GK: variants seen among roughly 807,000 people sequenced by gnomAD.
GK encodes the protein glycerol kinase.
A neutral mutation model predicts 56.4 loss-of-function variants in GK; 9 were observed. The observed-to-expected ratio is 0.16, with a 90% CI of 0.10 to 0.28. The LOEUF (loss-of-function observed/expected upper bound fraction) is 0.28. GK is among the 10% of genes least tolerant of loss of function. The pLI, the probability that GK is intolerant of heterozygous loss-of-function variation, is 1.00. For synonymous variants in GK, 104 were observed against 144.1 expected, an observed-to-expected ratio of 0.72 and a Z score of 1.99; for missense variants, 161 against 431.4, an observed-to-expected ratio of 0.37 and a Z score of 5.55.
chrX:30,680,146 A>C (rs1461328319), intron 4 of GK, among the ~76,000 whole-genome samples: 1 of 111,850 alleles, frequency 8.9e-6, no homozygotes, highest in Non-Finnish European at 1.9e-5. Context: ...GATGAGTTTC[A>C]TGCATAGGTT....
rs1601963523 is a variant in GK, at chrX:30,730,126, C to T, written c.*1384C>T. The T allele has an allele frequency of 8.9e-6, 1 of 112,115 alleles. No homozygotes were observed. Among genetic ancestry groups the T allele is most frequent in the Middle Eastern group, 5.0e-3 (1 of 202 alleles). 9.2% of individuals were successfully genotyped at this position (112,115 alleles called of 1,213,427 possible). On this transcript the variant is annotated 3_prime_UTR_variant, in exon 21 of 21. Transcript: ENST00000427190. Reference sequence around the variant, plus strand: ...ACATATTATAAGAAGTTACCTAATCCTGCTTCTTAACATCAATTTTTAAAA... The same window carrying T: ...ACATATTATAAGAAGTTACCTAATCTTGCTTCTTAACATCAATTTTTAAAA...
At chrX:30,713,343 G>C (rs1157396672) in intron 13 of GK, among the ~76,000 whole-genome samples, 1 of 111,786 alleles carries the variant, frequency 8.9e-6, no homozygotes, top group African/African-American at 3.3e-5. Context: ...CTTCAGTCCT[G>C]TTTGGTTATG....
chrX:30,675,630 TGG>T (rs746121875), intron 3 of GK, among the ~76,000 whole-genome samples: 18 of 105,289 alleles, frequency 1.7e-4, no homozygotes, highest in Non-Finnish European at 2.5e-4. Flanking sequence ...GCAATCCTCC[TGG>T]GTAGCTGGGA....
intron 19 of GK, among the ~76,000 whole-genome samples, chrX:30,725,125 C>A (rs1006328768): frequency 9.0e-6 from 1 of 111,159 alleles, no homozygotes; most frequent in African/African-American, 3.3e-5. Context: ...TCAAGTGATC[C>A]GCCCGCCTTG....
At chrX:30,718,295 TA>T (rs1287009818) in intron 13 of GK, among the ~76,000 whole-genome samples, 2 of 112,081 alleles carry the variant, frequency 1.8e-5, no homozygotes, top group Non-Finnish European at 3.8e-5. Flanking sequence ...AATGTCCACC[TA>T]TGGGGACAAA....
intron 5 of GK, 115 bp from the exon 6 acceptor site, chrX:30,694,285 G>A (rs1297838079): frequency 3.2e-6 from 2 of 634,655 alleles, no homozygotes; most frequent in African/African-American, 4.4e-5. Flanking sequence ...TAATACTATG[G>A]GATTGCCTTC....
chrX:30,693,354 A>G (rs1367535609), intron 5 of GK, among the ~76,000 whole-genome samples: 1 of 110,431 alleles, frequency 9.1e-6, no homozygotes, highest in African/African-American at 3.3e-5. Context: ...GCCTTTATAT[A>G]CATTTAGTGT....
Position 30,728,821 on chromosome X carries a change from A to G in GK, c.*79A>G. The stretch of plus-strand genomic sequence containing the variant: ...CCCAGCAATTCTGTCTCTTAATGCA[A>G]TGACACTATTCATAGACTTTGATTT... On this transcript the variant is annotated 3_prime_UTR_variant, in exon 21 of 21. Coordinates refer to ENST00000427190, the MANE Select transcript of GK (RefSeq NM_001205019.2). 1 of 697,360 alleles carries G rather than the reference A, an allele frequency of 1.4e-6. No homozygotes were observed. Among genetic ancestry groups the G allele is most frequent in the Non-Finnish European group, 2.3e-6 (1 of 428,407 alleles). The allele number at this position is 697,360 out of a possible 1,213,427, so 57.5% of individuals were successfully genotyped here. A position where few individuals can be genotyped will look rare whatever the true frequency, so the allele number is the denominator to read the frequency against.
At chrX:30,715,794 C>G (rs1226940466) in intron 13 of GK, among the ~76,000 whole-genome samples, 2 of 111,926 alleles carry the variant, frequency 1.8e-5, no homozygotes, top group Non-Finnish European at 3.8e-5. Flanking sequence ...TATATCCTGA[C>G]AGCAAAATTA....
chrX:30,694,051 T>C (rs1411293140), intron 5 of GK, among the ~76,000 whole-genome samples: 1 of 112,294 alleles, frequency 8.9e-6, no homozygotes, highest in Admixed American at 9.5e-5. Flanking sequence ...TTTTATGGAA[T>C]ATAAAATAAA....
intron 4 of GK, among the ~76,000 whole-genome samples, chrX:30,683,153 C>T (rs1200607310): frequency 1.8e-5 from 2 of 110,980 alleles, no homozygotes; most frequent in Non-Finnish European, 3.8e-5. Flanking sequence ...TGTCCTTCTC[C>T]TCTTTATTTC....
At chrX:30,710,382 T>C (rs1936255755) in intron 13 of GK, among the ~76,000 whole-genome samples, 2 of 111,953 alleles carry the variant, frequency 1.8e-5, no homozygotes, top group African/African-American at 3.2e-5. Context: ...ACAACACACA[T>C]ACGCATACTA....
chrX:30,730,147 T>C lies in GK; in HGVS notation c.*1405T>C, dbSNP rs1434212230. 1 of 112,366 alleles carries C rather than the reference T, an allele frequency of 8.9e-6. No homozygotes were observed. The highest frequency in any genetic ancestry group is 3.2e-5 in the African/African-American group (1 of 30,958). 9.3% of individuals were successfully genotyped at this position (112,366 alleles called of 1,213,427 possible). ...AATCCTGCTTCTTAACATCAATTTT[T>C]AAAAATATCTTAAAATTACTTTGTT... On this transcript the variant is annotated 3_prime_UTR_variant, in exon 21 of 21. Coordinates refer to ENST00000427190, the MANE Select transcript of GK (RefSeq NM_001205019.2).
intron 13 of GK, among the ~76,000 whole-genome samples, chrX:30,714,890 G>A (rs1230812693): frequency 8.9e-6 from 1 of 112,218 alleles, no homozygotes; most frequent in Non-Finnish European, 1.9e-5. Flanking sequence ...ACTTGTTACT[G>A]AAGTATTAAT....
rs140404916 is a variant in GK, at chrX:30,723,514, C to T, written c.1502-587C>T. ...AACAGATCAAATGGGATTCCCCTTT[C>T]TAATTCATTACCACTTGTTTGTGAG... is the stretch of plus-strand genomic sequence containing the variant. On this transcript the variant is annotated intron_variant, in intron 18 of 20. Transcript: ENST00000427190. 6.9e-3 allele frequency among the ~76,000 whole-genome samples: 772 copies of T among 112,150 alleles called. 5 individuals are homozygous for T. Among genetic ancestry groups the T allele is most frequent in the African/African-American group, 0.024 (732 of 30,910 alleles).
intron 4 of GK, among the ~76,000 whole-genome samples, chrX:30,678,813 A>G (rs1224256018): frequency 2.0e-5 from 2 of 101,306 alleles, no homozygotes; most frequent in African/African-American, 7.3e-5. Context: ...CAGCCTCCCC[A>G]GTAGATGGGA....
At chrX:30,725,114 C>T (rs1417409501) in intron 19 of GK, among the ~76,000 whole-genome samples, 1 of 111,158 alleles carries the variant, frequency 9.0e-6, no homozygotes, top group Non-Finnish European at 1.9e-5. Context: ...AACTCCTGAC[C>T]TCAAGTGATC....
At chrX:30,716,638 T>C (rs1053330700) in intron 13 of GK, among the ~76,000 whole-genome samples, 1 of 112,190 alleles carries the variant, frequency 8.9e-6, no homozygotes, top group African/African-American at 3.2e-5. Context: ...TATTTACTAG[T>C]ATTTGGCAGC....
chrX:30,728,722 C>T lies in GK; in HGVS notation c.1670-10C>T. The T allele has an allele frequency of 5.2e-6, 6 of 1,149,636 alleles. No individual in the cohort carries two copies. The highest frequency in any genetic ancestry group is 6.0e-6 in the Non-Finnish European group (5 of 840,049). The allele number at this position is 1,149,636 out of a possible 1,213,427, so 94.7% of individuals were successfully genotyped here. ...TTATTGACATATATGGTTTTTGTTCCCCATTTCAGGTATTCCATAAAACCT... is the reference window on the plus strand; with the variant it reads ...TTATTGACATATATGGTTTTTGTTCTCCATTTCAGGTATTCCATAAAACCT... On this transcript the variant is annotated splice_polypyrimidine_tract_variant and intron_variant, in intron 20 of 20. Transcript: ENST00000427190.
Sources: allele counts gnomAD v4.1 joint callset (sites outside exome capture counted in the v4.1 genomes callset), GRCh38; gene constraint gnomAD v4.1.1; transcripts MANE v1.5; gene names NCBI Gene and HGNC (gene_info 2026-07-23, HGNC 2026-07-21).